GNS: variants seen among roughly 807,000 people sequenced by gnomAD.
GNS encodes the protein N-acetylglucosamine-6-sulfatase.
A neutral mutation model predicts 69.7 loss-of-function variants in GNS; 40 were observed. That is an observed-to-expected ratio of 0.57 (90% confidence interval 0.45 to 0.75). The LOEUF is 0.75. Ranked by LOEUF, GNS falls within the 30% of genes least tolerant of loss-of-function variation. GNS has a pLI of 0.00. For missense variants in GNS, 565 were observed against 685.5 expected, an observed-to-expected ratio of 0.82 and a Z score of 1.96; for synonymous variants, 243 against 251.6, an observed-to-expected ratio of 0.97 and a Z score of 0.32.
Position 64,723,069 on chromosome 12 carries a change from T to C in GNS, c.1245A>G (p.Glu415=). The change falls in exon 11 of 14, where the codon GAA becomes GAG. Residue 415 remains glutamate (E), a synonymous_variant. Coordinates refer to ENST00000258145, the MANE Select transcript of GNS (RefSeq NM_002076.4). ...TGACGTTACGGCCTTCTCCTTGGTA[T>C]TCCACCAGGACATCTGATCGCCAGG... ...NLTWRSDVLV[E]YQGEGRNVTD... 4.3e-6 allele frequency: 7 copies of C among 1,613,028 alleles called. No homozygotes were observed. The highest frequency in any genetic ancestry group is 5.1e-6 in the Non-Finnish European group (6 of 1,178,958).
intron 3 of GNS, 54 bp from the exon 4 acceptor site, chr12:64,745,778 A>G: frequency 9.3e-7 from 1 of 1,077,908 alleles, no homozygotes; most frequent in Admixed American, 1.7e-5. Context: ...TGACCAGACC[A>G]GAAAGAAACA....
At chr12:64,729,472 G>A (rs1031816183) in intron 9 of GNS, among the ~76,000 whole-genome samples, 1 of 152,104 alleles carries the variant, frequency 6.6e-6, no homozygotes, top group African/African-American at 2.4e-5. Flanking sequence ...ATTTTGGAAG[G>A]CCTCAAAAAA....
At chr12:64,730,093 C>G (rs930321488) in intron 9 of GNS, among the ~76,000 whole-genome samples, 9 of 152,108 alleles carry the variant, frequency 5.9e-5, no homozygotes, top group Non-Finnish European at 1.2e-4. Flanking sequence ...TCTTCAAGCA[C>G]TGAAACAATC....
intron 5 of GNS, among the ~76,000 whole-genome samples, chr12:64,743,657 TA>T (rs1869815474): frequency 6.6e-6 from 1 of 152,208 alleles, no homozygotes; most frequent in African/African-American, 2.4e-5. Context: ...TGTGATGCCT[TA>T]AAGAATGTAA....
At chr12:64,758,283 G>A (rs1447997176) in intron 1 of GNS, among the ~76,000 whole-genome samples, 1 of 148,294 alleles carries the variant, frequency 6.7e-6, no homozygotes, top group Non-Finnish European at 1.5e-5. Flanking sequence ...TCGACGGTCG[G>A]CCTACCAGAT....
At chr12:64,756,413 C>CT (rs1480364933) in intron 1 of GNS, among the ~76,000 whole-genome samples, 1 of 152,142 alleles carries the variant, frequency 6.6e-6, no homozygotes, top group Non-Finnish European at 1.5e-5. Flanking sequence ...TGCAGACTCT[C>CT]TGACCTATGG....
intron 11 of GNS, among the ~76,000 whole-genome samples, chr12:64,722,264 C>T (rs1355858561): frequency 2.6e-5 from 4 of 152,078 alleles, no homozygotes; most frequent in South Asian, 4.1e-4. Context: ...GTGATCCACC[C>T]GCCTTGGCCT....
intron 6 of GNS, among the ~76,000 whole-genome samples, chr12:64,741,277 G>A (rs1666838075): frequency 6.6e-6 from 1 of 151,648 alleles, no homozygotes; most frequent in African/African-American, 2.4e-5. Flanking sequence ...TTGAGACAGA[G>A]GCGGAGGTTG....
Position 64,745,870 on chromosome 12 carries a change from A to G in GNS, c.460-146T>C, listed in dbSNP as rs116125095. 706 of 683,434 alleles carry G rather than the reference A, an allele frequency of 1.0e-3. 7 individuals carry two copies. The African/African-American group carries it at 0.011, about 11-fold the overall frequency. The allele number at this position is 683,434 out of a possible 1,614,324, so 42.3% of individuals were successfully genotyped here. ...CCCAAATAGACACTAGTCAAAAATA[A>G]ACGCTAATAATCCTAGGAACTTCTA... On this transcript the variant is annotated intron_variant, in intron 3 of 13. Transcript: ENST00000258145.
In GNS at chr12:64,716,510, C is replaced by T. The variant is rs1009944643; in HGVS notation, c.*231G>A. The T allele has an allele frequency of 1.6e-5, 9 of 579,760 alleles. No individual in the cohort carries two copies. The East Asian group carries it at 2.7e-4, about 18-fold the overall frequency. 35.9% of individuals were successfully genotyped at this position (579,760 alleles called of 1,614,324 possible). Reference sequence around the variant, plus strand: ...ACAAAGACCTCAGGAGTGTCCTTGTCAGCTAAAGGAAGAGACCAGAGACAG... The same window carrying T: ...ACAAAGACCTCAGGAGTGTCCTTGTTAGCTAAAGGAAGAGACCAGAGACAG... On this transcript the variant is annotated 3_prime_UTR_variant, in exon 14 of 14. Coordinates refer to ENST00000258145, the MANE Select transcript of GNS (RefSeq NM_002076.4).
At chr12:64,721,556 GA>G (rs1197945659) in intron 12 of GNS, 38 bp downstream of exon 12, 1 of 943,538 alleles carries the variant, frequency 1.1e-6, no homozygotes, top group South Asian at 1.3e-5. Flanking sequence ...GCACCAGCAA[GA>G]AAGGAGCGGG....
intron 10 of GNS, among the ~76,000 whole-genome samples, chr12:64,724,847 C>T (rs948205983): frequency 1.3e-5 from 2 of 152,076 alleles, no homozygotes; most frequent in Admixed American, 6.6e-5. Context: ...GGTGACAGAG[C>T]GAGACTCTGT....
chr12:64,747,314 G>A (rs987500385), intron 3 of GNS, among the ~76,000 whole-genome samples: 2 of 152,130 alleles, frequency 1.3e-5, no homozygotes, highest in African/African-American at 4.8e-5. Context: ...ATTCTAAGAC[G>A]AAAAATATCT....
At chr12:64,755,535 G>A (rs1423869924) in intron 1 of GNS, among the ~76,000 whole-genome samples, 11 of 144,974 alleles carry the variant, frequency 7.6e-5, no homozygotes, top group African/African-American at 2.8e-4. Context: ...CCGAGATCGC[G>A]CCACTGCACT....
chr12:64,758,297 T>G (rs918674089), intron 1 of GNS, among the ~76,000 whole-genome samples: 13 of 142,342 alleles, frequency 9.1e-5, no homozygotes, highest in South Asian at 2.3e-4. Flanking sequence ...ACCAGATTAG[T>G]TCACTTCAGG....
chr12:64,729,514 T>C (rs1185011879), intron 9 of GNS, among the ~76,000 whole-genome samples: 1 of 152,228 alleles, frequency 6.6e-6, no homozygotes, highest in Non-Finnish European at 1.5e-5. Context: ...AATTATTAGC[T>C]CTTTTTATAG....
Position 64,752,731 on chromosome 12 carries a change from G to T in GNS, c.219C>A (p.Leu73=), listed in dbSNP as rs376829383. ...GMTPLKKTKA[L]IGEMGMTFSS... is the part of the protein sequence containing the mutation. ...AAAAAGTCATCCCCATCTCTCCGAT[G>T]AGAGCTTTGGTTTTCTTTAGCGGTG... The change falls in exon 2 of 14, where the codon CTC becomes CTA. Residue 73 remains leucine (L), a synonymous_variant. Coordinates refer to ENST00000258145, the MANE Select transcript of GNS (RefSeq NM_002076.4). 6.5e-7 allele frequency: 1 copy of T among 1,536,290 alleles called. No homozygotes were observed. The highest frequency in any genetic ancestry group is 9.0e-7 in the Non-Finnish European group (1 of 1,110,572).
chr12:64,745,526 C>A, intron 4 of GNS, 133 bp downstream of exon 4: 1 of 747,210 alleles, frequency 1.3e-6, no homozygotes, highest in Middle Eastern at 2.3e-4. Context: ...GGCCACAAGT[C>A]AATAAATTTT....
chr12:64,722,659 C>G (rs2136237756), intron 11 of GNS, among the ~76,000 whole-genome samples: 1 of 152,272 alleles, frequency 6.6e-6, no homozygotes, highest in Admixed American at 6.5e-5. Flanking sequence ...CAGGCAGGAA[C>G]CACATCTCTC....
Sources: gnomAD v4.1 joint callset for allele counts (sites outside exome capture counted in the v4.1 genomes callset) on GRCh38, gnomAD v4.1.1 for gene constraint, MANE v1.5 for transcripts, NCBI Gene and HGNC (gene_info 2026-07-23, HGNC 2026-07-21) for gene names.